The following F11 variants were observed in gnomAD, a reference collection of about 807,000 sequenced individuals.
F11 encodes the protein coagualtion factor XI.
Under a neutral mutation model 76.5 loss-of-function variants are expected in F11, and 78 were observed. The ratio of observed to expected loss-of-function variants is 1.02; its 90% CI spans 0.85 to 1.23. The LOEUF is 1.23. Ranked by LOEUF, F11 falls within the 50% of genes most tolerant of loss-of-function variation. F11 has a pLI of 0.00. For synonymous variants in F11, 278 were observed against 276.3 expected (o/e 1.01, Z -0.06); for missense variants, 742 against 771.4 (o/e 0.96, Z 0.45).
At chr4:186,278,412 GT>G (rs1740540405) in intron 7 of F11, among the ~76,000 whole-genome samples, 1 of 152,192 alleles carries the variant, frequency 6.6e-6, no homozygotes, top group African/African-American at 2.4e-5. Flanking sequence ...AATTTGTTTG[GT>G]GCTTATTATG....
chr4:186,282,565 C>A, intron 10 of F11: 1 of 985,364 alleles, frequency 1.0e-6, no homozygotes, highest in Middle Eastern at 5.2e-4. Context: ...TTCAGCATTT[C>A]GTTTAAACTG....
chr4:186,285,211 T>C (rs1741096573), intron 11 of F11, among the ~76,000 whole-genome samples: 1 of 152,098 alleles, frequency 6.6e-6, no homozygotes, highest in Non-Finnish European at 1.5e-5. Flanking sequence ...CAAGAACACA[T>C]GTGAGGCCAA....
In F11 at chr4:186,287,732, A is replaced by G. The variant is rs765446848; in HGVS notation, c.1625A>G (p.Asn542Ser). 7 of 1,613,664 alleles carry G rather than the reference A, an allele frequency of 4.3e-6. No homozygotes were observed. The highest frequency in any genetic ancestry group is 3.3e-4 in the Middle Eastern group (2 of 6,082). ...AAAGCCAAGATACCCTTAGTGACCA[A>G]CGAAGAGTGCCAGAAGAGATACAGA... ...LQKAKIPLVT[N>S]EECQKRYRGH... The change falls in exon 14 of 15, where the codon AAC becomes AGC. Residue 542 changes from asparagine (N) to serine (S), a missense_variant. Transcript: ENST00000403665.
chr4:186,275,067 G>T, intron 5 of F11: 3 of 383,732 alleles, frequency 7.8e-6, no homozygotes, highest in South Asian at 5.7e-5. Flanking sequence ...CTAAATTCAT[G>T]ATTTGACTTG....
At chr4:186,282,119 A>G in intron 10 of F11, 1 of 1,159,400 alleles carries the variant, frequency 8.6e-7, no homozygotes. Context: ...CACTTAGCAA[A>G]TGTTGCTGTT....
Position 186,273,182 on chromosome 4 carries a change from G to T in F11, c.325+5G>T, listed in dbSNP as rs372102736. On this transcript the variant is annotated splice_donor_5th_base_variant and intron_variant, in intron 4 of 14. Coordinates refer to ENST00000403665, the MANE Select transcript of F11 (RefSeq NM_000128.4). ...AATGCTCACACCAAATAAGCGGTAA[G>T]ATATGTTCTCAGAATCAACAAATAC... The T allele has an allele frequency of 1.6e-5, 25 of 1,606,420 alleles. 1 individual carries two copies. Among genetic ancestry groups the T allele is most frequent in the Middle Eastern group, 1.7e-4 (1 of 6,048 alleles).
chr4:186,271,915 A>G, intron 3 of F11, 144 bp downstream of exon 3: 7 of 1,016,670 alleles, frequency 6.9e-6, no homozygotes, highest in Non-Finnish European at 5.9e-6. Context: ...TTGTTACAGA[A>G]AGAAGTGATG....
At chr4:186,287,498 C>T (rs71640037) in intron 13 of F11, 186 bp from the exon 14 acceptor site, 3 of 190,700 alleles carry the variant, frequency 1.6e-5, no homozygotes, top group South Asian at 1.7e-4. Context: ...GCAAGATAAT[C>T]GCTTGAACTT....
intron 2 of F11, among the ~76,000 whole-genome samples, chr4:186,267,954 T>C (rs976731109): frequency 6.6e-6 from 1 of 152,228 alleles, no homozygotes; most frequent in Non-Finnish European, 1.5e-5. Flanking sequence ...ACAAGACTAC[T>C]GCTCAGGTTA....
chr4:186,280,072 C>A lies in F11; in HGVS notation c.816C>A (p.Ser272Arg), dbSNP rs543055155. Residue 272 changes from serine (S) to arginine (R), a missense_variant, in exon 8 of 15, where the codon AGC (serine) becomes AGA (arginine). Ser to Arg is a moderately radical substitution (Grantham distance 110, BLOSUM62 -1). Coordinates refer to ENST00000403665, the MANE Select transcript of F11 (RefSeq NM_000128.4). ...TGCCCAGTACACGCATTAAAAAGAG[C>A]AAAGCTCTTTCTGGTTTCAGTCTAC... ...SGLPSTRIKK[S>R]KALSGFSLQS... 6.2e-7 allele frequency: 1 copy of A among 1,614,170 alleles called. No individual in the cohort carries two copies. Among genetic ancestry groups the A allele is most frequent in the African/African-American group, 1.3e-5 (1 of 75,040 alleles).
chr4:186,267,020 T>A, intron 1 of F11, 116 bp from the exon 2 acceptor site: 1 of 729,684 alleles, frequency 1.4e-6, no homozygotes, highest in Non-Finnish European at 2.5e-6. Flanking sequence ...ACACTGTGAA[T>A]GCTATTGAAT....
Position 186,276,220 on chromosome 4 carries a change from C to T in F11, c.596-11C>T, listed in dbSNP as rs1427351614. ...GAATTGAGTCCCTGACATAGTTCTT[C>T]CGTCGCGCAGCTTGTATTAGGGACA... On this transcript the variant is annotated splice_polypyrimidine_tract_variant and intron_variant, in intron 6 of 14. Transcript: ENST00000403665. 3 of 1,613,982 alleles carry T rather than the reference C, an allele frequency of 1.9e-6. No homozygotes were observed. The highest frequency in any genetic ancestry group is 1.3e-5 in the African/African-American group (1 of 74,894).
At chr4:186,273,308 G>T (rs1026910171) in intron 4 of F11, 131 bp downstream of exon 4, 16 of 771,492 alleles carry the variant, frequency 2.1e-5, no homozygotes, top group East Asian at 1.3e-4. Context: ...AGTTCTTTCA[G>T]TGTAGAGTAT....
intron 5 of F11, chr4:186,275,002 G>A (rs964862039): frequency 3.9e-6 from 1 of 255,580 alleles, no homozygotes; most frequent in African/African-American, 2.2e-5. Context: ...AGCAAACAAA[G>A]CATCAACGAG....
In F11 at chr4:186,280,259, T is replaced by G; in HGVS notation, c.902T>G (p.Phe301Cys). The G allele has an allele frequency of 1.2e-6, 2 of 1,614,202 alleles. No individual in the cohort carries two copies. Among genetic ancestry groups the G allele is most frequent in the Non-Finnish European group, 1.7e-6 (2 of 1,180,042 alleles). The change falls in exon 9 of 15, where the codon TTC becomes TGC. Residue 301 changes from phenylalanine to cysteine, a missense_variant. Physicochemically the swap from Phe to Cys is radical, Grantham distance 205. Coordinates refer to ENST00000403665, the MANE Select transcript of F11 (RefSeq NM_000128.4). ...TCTTCATTTTACCATGACACTGATT[T>G]CTTGGGAGAAGAACTGGATATTGTT... ...CHSSFYHDTDFLGEELDIVAA... is the reference protein window; with the variant it reads ...CHSSFYHDTDCLGEELDIVAA...
intron 10 of F11, chr4:186,282,749 C>A (rs1378856312): frequency 1.0e-6 from 1 of 985,392 alleles, no homozygotes; most frequent in South Asian, 4.7e-5. Flanking sequence ...ACCCTTCCGG[C>A]TCTAAAATGA....
At chr4:186,271,863 A>G (rs1739994339) in intron 3 of F11, 92 bp downstream of exon 3, 1 of 1,342,708 alleles carries the variant, frequency 7.4e-7, no homozygotes, top group Non-Finnish European at 1.1e-6. Context: ...TATAAAATTT[A>G]ACATTAACAA....
At chr4:186,268,880 T>C (rs567210652) in intron 2 of F11, among the ~76,000 whole-genome samples, 4 of 151,954 alleles carry the variant, frequency 2.6e-5, no homozygotes, top group Admixed American at 2.0e-4. Context: ...GACAAGAAGA[T>C]AGAGAATAGC....
Position 186,285,708 on chromosome 4 carries a change from T to C in F11, c.1375T>C (p.Ser459Pro). 6.2e-7 allele frequency: 1 copy of C among 1,614,126 alleles called. No individual in the cohort carries two copies. The highest frequency in any genetic ancestry group is 8.5e-7 in the Non-Finnish European group (1 of 1,179,962). Reference sequence around the variant, plus strand: ...TCAATCTGAAATAAAAGAGGACACATCTTTCTTTGGGGTTCAAGAAATAAT... The same window carrying C: ...TCAATCTGAAATAAAAGAGGACACACCTTTCTTTGGGGTTCAAGAAATAAT... ...LNQSEIKEDT[S>P]FFGVQEIIIH... Residue 459 changes from serine to proline, a missense_variant, in exon 12 of 15, where the codon TCT becomes CCT. By Grantham distance (74) the Ser-to-Pro change is moderately conservative. Transcript: ENST00000403665.
Sources: gnomAD v4.1 joint callset for allele counts (sites outside exome capture counted in the v4.1 genomes callset) on GRCh38, gnomAD v4.1.1 for gene constraint, MANE v1.5 for transcripts, NCBI Gene and HGNC (gene_info 2026-07-23, HGNC 2026-07-21) for gene names.